The following TRAF5 variants were observed in gnomAD, a reference collection of about 807,000 sequenced individuals.
The protein encoded by TRAF5 is TNF receptor associated factor 5.
In TRAF5, 48 loss-of-function variants were observed where a neutral mutation model predicts 64.5. The ratio of observed to expected loss-of-function variants is 0.74; its 90% confidence interval spans 0.59 to 0.95. The LOEUF (loss-of-function observed/expected upper bound fraction) is 0.95, where lower values mean the gene tolerates loss of function less well. TRAF5 is among the 40% of genes least tolerant of loss of function. The pLI, the probability that TRAF5 is intolerant of heterozygous loss-of-function variation, is 0.00. For missense variants in TRAF5, 545 were observed against 662.8 expected (o/e 0.82, Z 1.95); for synonymous variants, 206 against 240.5 (o/e 0.86, Z 1.33).
At chr1:211,349,645 G>A (rs1225734301) in intron 1 of TRAF5, among the ~76,000 whole-genome samples, 5 of 152,214 alleles carry the variant, frequency 3.3e-5, no homozygotes, top group South Asian at 2.1e-4. Flanking sequence ...TCCAGAGACC[G>A]AAAAGTTGGA....
chr1:211,351,008 GCT>G (rs1431608971), intron 1 of TRAF5, among the ~76,000 whole-genome samples: 1 of 149,506 alleles, frequency 6.7e-6, no homozygotes, highest in Non-Finnish European at 1.5e-5. Flanking sequence ...ACCATTCCCT[GCT>G]CTCTCTGTCT....
Position 211,374,610 on chromosome 1 carries a change from G to GTT in TRAF5, c.*1908_*1909insTT, listed in dbSNP as rs1703637909. 6.6e-6 allele frequency: 1 copy of GTT among 152,144 alleles called. No homozygotes were observed. Among genetic ancestry groups the GTT allele is most frequent in the South Asian group, 2.1e-4 (1 of 4,826 alleles). 9.4% of individuals were successfully genotyped at this position (152,144 alleles called of 1,614,324 possible). On this transcript the variant is annotated 3_prime_UTR_variant, in exon 11 of 11. Coordinates refer to ENST00000261464, the MANE Select transcript of TRAF5 (RefSeq NM_001033910.3). ...GCACGGTTGCTCAACACATCACCTC[G>GTT]GACAAATTCAGGAAGCATTTCTTTA... is the stretch of plus-strand genomic sequence containing the variant.
At chr1:211,363,071 A>T (rs1467933612) in intron 7 of TRAF5, among the ~76,000 whole-genome samples, 1 of 152,220 alleles carries the variant, frequency 6.6e-6, no homozygotes, top group Non-Finnish European at 1.5e-5. Context: ...ATACTTTAAT[A>T]TCATCAAATT....
At chr1:211,363,336 A>T (rs1281395066) in intron 7 of TRAF5, among the ~76,000 whole-genome samples, 3 of 152,202 alleles carry the variant, frequency 2.0e-5, no homozygotes, top group African/African-American at 2.4e-5. Flanking sequence ...TCATTAAAAC[A>T]CCAACTATAT....
rs534054133 is a variant in TRAF5, at chr1:211,374,221, G to A, written c.*1519G>A. The A allele has an allele frequency of 6.6e-6, 1 of 152,664 alleles. No individual in the cohort carries two copies. Among genetic ancestry groups the A allele is most frequent in the Non-Finnish European group, 1.5e-5 (1 of 68,050 alleles). The allele number at this position is 152,664 out of a possible 1,614,324, so 9.5% of individuals were successfully genotyped here. A position where few individuals can be genotyped will look rare whatever the true frequency, so the allele number is the denominator to read the frequency against. On this transcript the variant is annotated 3_prime_UTR_variant, in exon 11 of 11. Transcript: ENST00000261464. The stretch of plus-strand genomic sequence containing the variant: ...TCCTTATGACTCTTGATAAGCCTGA[G>A]TTTAACAACAACAAAAATGCCAAGT...
At chr1:211,340,100 CCTTT>C (rs145890973) in intron 1 of TRAF5, among the ~76,000 whole-genome samples, 5,447 of 152,176 alleles carry the variant, frequency 0.036, 314 homozygotes, top group African/African-American at 0.13. Flanking sequence ...AGGTTTCTCC[CCTTT>C]CTTCAGAGTA....
intron 1 of TRAF5, chr1:211,346,552 T>C (rs558241175): frequency 1.1e-5 from 5 of 455,890 alleles, no homozygotes; most frequent in South Asian, 1.9e-4. Flanking sequence ...TGTGGACTTA[T>C]GTCTTATGCA....
At chr1:211,355,583 G>A (rs919922160) in intron 3 of TRAF5, among the ~76,000 whole-genome samples, 1 of 152,176 alleles carries the variant, frequency 6.6e-6, no homozygotes, top group Non-Finnish European at 1.5e-5. Context: ...ACACGGCTGT[G>A]CTGCATTTAG....
chr1:211,353,126 A>G, intron 1 of TRAF5, 113 bp from the exon 2 acceptor site: 5 of 1,052,996 alleles, frequency 4.7e-6, no homozygotes, highest in South Asian at 1.4e-5. Flanking sequence ...CAACAGAATG[A>G]CCATGTGAAT....
chr1:211,358,454 G>A lies in TRAF5; in HGVS notation c.379-1458G>A, dbSNP rs1280858607. The A allele has an allele frequency of 2.7e-5, 4 of 150,336 alleles. No individual in the cohort carries two copies. In the South Asian group the frequency reaches 6.4e-4, roughly 24 times the overall value. 9.3% of individuals were successfully genotyped at this position (150,336 alleles called of 1,614,324 possible). ...ATTGCGCCACTGCACTTCAGCCTGG[G>A]TGACGGTGCGAGACTCTGTCTAAAA... On this transcript the variant is annotated intron_variant, in intron 4 of 10. Coordinates refer to ENST00000261464, the MANE Select transcript of TRAF5 (RefSeq NM_001033910.3).
At chr1:211,350,549 A>G (rs1702756036) in intron 1 of TRAF5, among the ~76,000 whole-genome samples, 1 of 152,234 alleles carries the variant, frequency 6.6e-6, no homozygotes, top group South Asian at 2.1e-4. Flanking sequence ...AGCCACTAAA[A>G]GATGAAGGGA....
At position 211,344,374 on chromosome 1, in the gene TRAF5, G is replaced by A. The variant is rs1001800571; in HGVS notation, c.-1-8865G>A. ...CCTGTTCCCAAGACAACTTCCTTCT[G>A]TGAAGACATAAGGAAAAGCAAAGAA... On this transcript the variant is annotated intron_variant, in intron 1 of 10. Coordinates refer to ENST00000261464, the MANE Select transcript of TRAF5 (RefSeq NM_001033910.3). 2.0e-5 allele frequency among the ~76,000 whole-genome samples: 3 copies of A among 152,152 alleles called. No homozygotes were observed. The East Asian group carries it at 5.8e-4, about 29-fold the overall frequency.
intron 1 of TRAF5, among the ~76,000 whole-genome samples, chr1:211,334,623 A>C (rs1419480792): frequency 6.6e-6 from 1 of 152,176 alleles, no homozygotes; most frequent in Non-Finnish European, 1.5e-5. Flanking sequence ...GCACCACTGC[A>C]CTCCAGCCTG....
chr1:211,347,614 G>A (rs1230646499), intron 1 of TRAF5, among the ~76,000 whole-genome samples: 4 of 152,246 alleles, frequency 2.6e-5, no homozygotes, highest in East Asian at 1.9e-4. Context: ...TGGATGGGGA[G>A]AGGAAGGATG....
intron 1 of TRAF5, among the ~76,000 whole-genome samples, chr1:211,347,147 GCT>G (rs1702636771): frequency 1.3e-5 from 2 of 152,116 alleles, no homozygotes; most frequent in African/African-American, 4.8e-5. Context: ...TGTTACGTAA[GCT>G]GTTATACACA....
At chr1:211,354,302 G>C (rs1702889866) in intron 2 of TRAF5, 108 bp from the exon 3 acceptor site, 4 of 997,884 alleles carry the variant, frequency 4.0e-6, no homozygotes, top group Non-Finnish European at 6.1e-6. Context: ...GTGCAGACAG[G>C]GACCAGCCTG....
intron 9 of TRAF5, among the ~76,000 whole-genome samples, chr1:211,370,943 G>C (rs1231880278): frequency 6.6e-6 from 1 of 152,142 alleles, no homozygotes; most frequent in Non-Finnish European, 1.5e-5. Flanking sequence ...GAGTGAATCA[G>C]GAGATTGGCT....
chr1:211,338,225 A>G (rs1702356619), intron 1 of TRAF5, among the ~76,000 whole-genome samples: 1 of 152,220 alleles, frequency 6.6e-6, no homozygotes, highest in African/African-American at 2.4e-5. Context: ...TAATCAGGGA[A>G]GGCTAAACTA....
chr1:211,346,984 C>T (rs902652179), intron 1 of TRAF5, among the ~76,000 whole-genome samples: 6 of 152,200 alleles, frequency 3.9e-5, no homozygotes, highest in Non-Finnish European at 8.8e-5. Context: ...GAGTTAACAA[C>T]TCTTCAGTAG....
Sources: gnomAD v4.1 joint callset for allele counts (sites outside exome capture counted in the v4.1 genomes callset) on GRCh38, gnomAD v4.1.1 for gene constraint, MANE v1.5 for transcripts, NCBI Gene and HGNC (gene_info 2026-07-23, HGNC 2026-07-21) for gene names.